The following SKIDA1 variants were observed in gnomAD, a reference collection of about 807,000 sequenced individuals.
SKIDA1 encodes SKI/DACH domain-containing protein 1.
A neutral mutation model predicts 51.4 loss-of-function variants in SKIDA1; 18 were observed. The ratio of observed to expected loss-of-function variants is 0.35; its 90% CI spans 0.24 to 0.52. SKIDA1 has a LOEUF of 0.52. Among genes scored for constraint, SKIDA1 ranks in the 20% least tolerant of loss-of-function variants. The pLI is 0.95. For synonymous variants in SKIDA1, 579 were observed against 500.5 expected (o/e 1.16, Z -2.09); for missense variants, 1,104 against 1,180.6 (o/e 0.94, Z 0.95).
At position 21,518,850 on chromosome 10, in the gene SKIDA1, CT is replaced by C. The variant is rs11384540; in HGVS notation, c.-1029del. 0.048 allele frequency: 6,799 copies of C among 141,416 alleles called. 286 individuals carry two copies. The highest frequency in any genetic ancestry group is 0.13 in the African/African-American group (4,712 of 35,368). 8.8% of individuals were successfully genotyped at this position (141,416 alleles called of 1,614,324 possible). ...ACGTTTGGAATTTCTCTCGATTTTCCTTTTTTTTTTTTTTTTTTCCTGAAAT... is the reference window on the plus strand; with the variant it reads ...ACGTTTGGAATTTCTCTCGATTTTCCTTTTTTTTTTTTTTTTTCCTGAAAT... On this transcript the variant is annotated 5_prime_UTR_variant, in exon 4 of 4. Coordinates refer to ENST00000449193, the MANE Select transcript of SKIDA1 (RefSeq NM_207371.4).
In SKIDA1 at chr10:21,515,868, T is replaced by C. The variant is rs2032184398; in HGVS notation, c.1955A>G (p.Gln652Arg). 1 of 1,614,086 alleles carries C rather than the reference T, an allele frequency of 6.2e-7. No homozygotes were observed. Among genetic ancestry groups the C allele is most frequent in the Non-Finnish European group, 8.5e-7 (1 of 1,179,904 alleles). ...PEFATDLPSS[Q>R]TDPEVNAAGA... ...TGCAGCGTTCACTTCAGGATCAGTC[T>C]GCGAAGAGGGCAAATCCGTAGCAAA... is the stretch of plus-strand genomic sequence containing the variant. Residue 652 changes from glutamine to arginine, a missense_variant, in exon 4 of 4, where the codon CAG becomes CGG. By Grantham distance (43) the Gln-to-Arg change is conservative. This residue lies in a region of SKIDA1 where 938 missense variants were observed against 886.4 expected (regional missense o/e 1.06). Coordinates refer to ENST00000449193, the MANE Select transcript of SKIDA1 (RefSeq NM_207371.4).
chr10:21,523,674 G>A lies in SKIDA1; in HGVS notation c.-1929+9C>T, dbSNP rs1032082887. 7 of 152,154 alleles carry A rather than the reference G, an allele frequency of 4.6e-5. No homozygotes were observed. 9.4% of individuals were successfully genotyped at this position (152,154 alleles called of 1,614,324 possible). ...GACTGAAGTGGTGACACCAAGTGTT[G>A]AGGCCTACCTATGGGCTGCTCAGCC... is the stretch of plus-strand genomic sequence containing the variant. On this transcript the variant is annotated intron_variant, in intron 2 of 3. Coordinates refer to ENST00000449193, the MANE Select transcript of SKIDA1 (RefSeq NM_207371.4).
At chr10:21,523,569 A>G (rs1300279535) in intron 2 of SKIDA1, 114 bp downstream of exon 2, 2 of 152,218 alleles carry the variant, frequency 1.3e-5, no homozygotes, top group Non-Finnish European at 2.9e-5. Context: ...GATATTAAAT[A>G]ATACACAAAT....
At position 21,516,822 on chromosome 10, in the gene SKIDA1, G is replaced by A. The variant is rs1588682739; in HGVS notation, c.1001C>T (p.Pro334Leu). Residue 334 changes from proline (P) to leucine (L), a missense_variant, in exon 4 of 4, where the codon CCG (proline) becomes CTG (leucine). By Grantham distance (98) the Pro-to-Leu change is moderately conservative. Around this residue, in one of 3 missense-constraint regions of SKIDA1, gnomAD observed 938 missense variants for 886.4 expected, o/e 1.06. Transcript: ENST00000449193. The surrounding 1 kb of genome is among the most constrained non-coding windows in gnomAD (Gnocchi z 5.7). ...GTGGTGGTGGTGGTGGTGCGGAGGC[G>A]GGCAGAAGCCGTTGACCAGATGAAA... ...ERFHLVNGFC[P>L]PPHHHHHHHH... is the part of the protein sequence containing the mutation. 3 of 1,542,272 alleles carry A rather than the reference G, an allele frequency of 1.9e-6. No homozygotes were observed. The highest frequency in any genetic ancestry group is 1.2e-5 in the South Asian group (1 of 83,802).
chr10:21,516,974 G>A lies in SKIDA1; in HGVS notation c.849C>T (p.Leu283=). The A allele has an allele frequency of 2.6e-6, 3 of 1,158,804 alleles. No individual in the cohort carries two copies. The highest frequency in any genetic ancestry group is 3.2e-6 in the Non-Finnish European group (3 of 936,486). The allele number at this position is 1,158,804 out of a possible 1,614,324, so 71.8% of individuals were successfully genotyped here. Residue 283 remains leucine (L), a synonymous_variant, in exon 4 of 4, where the codon CTC becomes CTT. Coordinates refer to ENST00000449193, the MANE Select transcript of SKIDA1 (RefSeq NM_207371.4). The surrounding 1 kb of genome is among the most constrained non-coding windows in gnomAD (Gnocchi z 5.7). ...GGCGCCGCGCGCCGGCGTGAGGCGCGAGCAGGCAGTCCTTGGCGCCGCCGC... is the reference window on the plus strand; with the variant it reads ...GGCGCCGCGCGCCGGCGTGAGGCGCAAGCAGGCAGTCCTTGGCGCCGCCGC... The part of the protein sequence containing the change: ...RKRGGAKDCL[L]APHAGARRLL...
chr10:21,513,821 T>G lies in SKIDA1; in HGVS notation c.*1275A>C, dbSNP rs2032105287. ...CCCTGAAAAAACTGTTATTTTTCAT[T>G]TGGGGTATTGCAACTCTGACCCCTC... On this transcript the variant is annotated 3_prime_UTR_variant, in exon 4 of 4. Coordinates refer to ENST00000449193, the MANE Select transcript of SKIDA1 (RefSeq NM_207371.4). 1 of 152,194 alleles carries G rather than the reference T, an allele frequency of 6.6e-6. No individual in the cohort carries two copies. Among genetic ancestry groups the G allele is most frequent in the Admixed American group, 6.5e-5 (1 of 15,282 alleles). 9.4% of individuals were successfully genotyped at this position (152,194 alleles called of 1,614,324 possible).
At chr10:21,522,470 G>A in intron 2 of SKIDA1, among the ~76,000 whole-genome samples, 1 of 152,048 alleles carries the variant, frequency 6.6e-6, no homozygotes, top group East Asian at 1.9e-4. Flanking sequence ...ATATTCACAA[G>A]ATAAAAGTTT....
chr10:21,518,432 A>G lies in SKIDA1; in HGVS notation c.-610T>C, dbSNP rs1238009956. ...CCCTTATACTGCCACCTCCCCTCCC[A>G]AAGTAAATAATACAGTCGGTATATA... On this transcript the variant is annotated 5_prime_UTR_variant, in exon 4 of 4. Coordinates refer to ENST00000449193, the MANE Select transcript of SKIDA1 (RefSeq NM_207371.4). 1 of 166,878 alleles carries G rather than the reference A, an allele frequency of 6.0e-6. No individual in the cohort carries two copies. Among genetic ancestry groups the G allele is most frequent in the Non-Finnish European group, 1.5e-5 (1 of 68,102 alleles). 10.3% of individuals were successfully genotyped at this position (166,878 alleles called of 1,614,324 possible). A position where few individuals can be genotyped will look rare whatever the true frequency, so the allele number is the denominator to read the frequency against.
rs1283551919 is a variant in SKIDA1, at chr10:21,516,218, C to T, written c.1605G>A (p.Pro535=). The part of the protein sequence containing the change: ...WAPKASPVYC[P]ASLGSCFAEI... ...CAGCGAAACAACTCCCCAGGCTGGCCGGGCAGTACACCGGAGATGCTTTGG... is the reference window on the plus strand; with the variant it reads ...CAGCGAAACAACTCCCCAGGCTGGCTGGGCAGTACACCGGAGATGCTTTGG... Residue 535 remains proline, a synonymous_variant, in exon 4 of 4, where the codon CCG becomes CCA. Transcript: ENST00000449193. This position sits in a 1 kb window ranked among gnomAD's most constrained non-coding sequence, Gnocchi z 5.7. 6.2e-7 allele frequency: 1 copy of T among 1,614,032 alleles called. No individual in the cohort carries two copies. The highest frequency in any genetic ancestry group is 8.5e-7 in the Non-Finnish European group (1 of 1,179,902).
At chr10:21,523,141 C>T (rs1007132712) in intron 2 of SKIDA1, among the ~76,000 whole-genome samples, 3 of 151,746 alleles carry the variant, frequency 2.0e-5, no homozygotes, top group Non-Finnish European at 4.4e-5. Context: ...AACGGCTAGG[C>T]CACAATCTTC....
chr10:21,516,761 C>T lies in SKIDA1; in HGVS notation c.1062G>A (p.Gln354=). ...HHHHHHHHRA[Q]PPQQSHHPPH... Reference sequence around the variant, plus strand: ...GGGGGTGGTGACTCTGCTGCGGCGGCTGGGCCCGGTGGTGGTGGTGGTGGT... The same window carrying T: ...GGGGGTGGTGACTCTGCTGCGGCGGTTGGGCCCGGTGGTGGTGGTGGTGGT... The change falls in exon 4 of 4, where the codon CAG becomes CAA. Residue 354 remains glutamine (Q), a synonymous_variant. Transcript: ENST00000449193. This position sits in a 1 kb window ranked among gnomAD's most constrained non-coding sequence, Gnocchi z 5.7. 2 of 1,545,816 alleles carry T rather than the reference C, an allele frequency of 1.3e-6. No homozygotes were observed. The highest frequency in any genetic ancestry group is 1.7e-6 in the Non-Finnish European group (2 of 1,145,610).
Position 21,516,271 on chromosome 10 carries a change from C to G in SKIDA1, c.1552G>C (p.Ala518Pro). The G allele has an allele frequency of 6.2e-7, 1 of 1,613,960 alleles. No individual in the cohort carries two copies. The highest frequency in any genetic ancestry group is 8.5e-7 in the Non-Finnish European group (1 of 1,179,900). ...LKSSVKAESP[A>P]EWNLQSWAPK... The stretch of plus-strand genomic sequence containing the variant: ...GCCCAGCTCTGCAGATTCCACTCCG[C>G]CGGCGACTCCGCTTTGACACTACTC... Residue 518 changes from alanine (A) to proline (P), a missense_variant, in exon 4 of 4, where the codon GCG becomes CCG. By Grantham distance (27) the Ala-to-Pro change is conservative. Around this residue, in one of 3 missense-constraint regions of SKIDA1, gnomAD observed 938 missense variants for 886.4 expected, o/e 1.06. Coordinates refer to ENST00000449193, the MANE Select transcript of SKIDA1 (RefSeq NM_207371.4). This position sits in a 1 kb window ranked among gnomAD's most constrained non-coding sequence, Gnocchi z 5.7.
chr10:21,520,483 CGCCAT>C, intron 3 of SKIDA1, among the ~76,000 whole-genome samples: 1 of 57,384 alleles, frequency 1.7e-5, no homozygotes. Flanking sequence ...CCCCCACCCC[CGCCAT>C]TCCCCTCCCC....
Position 21,517,127 on chromosome 10 carries a change from G to A in SKIDA1, c.696C>T (p.Ala232=), listed in dbSNP as rs763904059. 5,398 of 992,906 alleles carry A rather than the reference G, an allele frequency of 5.4e-3. 160 individuals are homozygous for A. The African/African-American group carries it at 0.081, about 15-fold the overall frequency. The allele number at this position is 992,906 out of a possible 1,614,324, so 61.5% of individuals were successfully genotyped here. A position where few individuals can be genotyped will look rare whatever the true frequency, so the allele number is the denominator to read the frequency against. ...CGGCGGCGGCGGCGGCGGCAGCAGC[G>A]GCGGCGGCGGCGGCGGCGGCGGCTG... ...HPAAAAAAAA[A]AAAAAAAAAA... The change falls in exon 4 of 4, where the codon GCC becomes GCT. Residue 232 remains alanine (A), a synonymous_variant. Coordinates refer to ENST00000449193, the MANE Select transcript of SKIDA1 (RefSeq NM_207371.4). The surrounding 1 kb of genome is among the most constrained non-coding windows in gnomAD (Gnocchi z 6.9).
Position 21,517,920 on chromosome 10 carries a change from G to T in SKIDA1, c.-98C>A. ...TAATCCTCAGCCAGATGCTGCGTGT[G>T]TCTCAAGGCATCCTGCTAATAAAAT... On this transcript the variant is annotated 5_prime_UTR_variant, in exon 4 of 4. Coordinates refer to ENST00000449193, the MANE Select transcript of SKIDA1 (RefSeq NM_207371.4). This position sits in a 1 kb window ranked among gnomAD's most constrained non-coding sequence, Gnocchi z 6.9. The T allele has an allele frequency of 9.2e-7, 1 of 1,087,142 alleles. No individual in the cohort carries two copies. Among genetic ancestry groups the T allele is most frequent in the Non-Finnish European group, 1.3e-6 (1 of 790,726 alleles). The allele number at this position is 1,087,142 out of a possible 1,614,324, so 67.3% of individuals were successfully genotyped here. A position where few individuals can be genotyped will look rare whatever the true frequency, so the allele number is the denominator to read the frequency against.
Position 21,517,254 on chromosome 10 carries a change from T to G in SKIDA1, c.569A>C (p.Lys190Thr). ...HYPEIVRSPC[K>T]PPLNYETAPL... ...GGCAGTTTCATAGTTTAGAGGGGGT[T>G]TGCACGGCGAGCGCACGATCTCCGG... Residue 190 changes from lysine to threonine, a missense_variant, in exon 4 of 4, where the codon AAA (lysine) becomes ACA (threonine). This residue lies in a region of SKIDA1 where 938 missense variants were observed against 886.4 expected (regional missense o/e 1.06). Coordinates refer to ENST00000449193, the MANE Select transcript of SKIDA1 (RefSeq NM_207371.4). This position sits in a 1 kb window ranked among gnomAD's most constrained non-coding sequence, Gnocchi z 6.9. The G allele has an allele frequency of 1.4e-6, 2 of 1,474,224 alleles. No homozygotes were observed. The highest frequency in any genetic ancestry group is 2.5e-5 in the Admixed American group (1 of 40,718). 91.3% of individuals were successfully genotyped at this position (1,474,224 alleles called of 1,614,324 possible).
chr10:21,524,033 T>G (rs1014227009), intron 1 of SKIDA1, 162 bp from the exon 2 acceptor site: 26 of 152,298 alleles, frequency 1.7e-4, no homozygotes, highest in African/African-American at 6.3e-4. Context: ...CACTCAACAC[T>G]GACAGTATCA....
chr10:21,517,994 A>C lies in SKIDA1; in HGVS notation c.-172T>G. On this transcript the variant is annotated 5_prime_UTR_variant, in exon 4 of 4. Transcript: ENST00000449193. The surrounding 1 kb of genome is among the most constrained non-coding windows in gnomAD (Gnocchi z 6.9). ...AAGGAAGTGCCAAACTCTAGGCGAA[A>C]TTATTGGGGGGGGGGAAACCCCATG... The C allele has an allele frequency of 1.9e-6, 1 of 537,758 alleles. No homozygotes were observed. The highest frequency in any genetic ancestry group is 3.2e-6 in the Non-Finnish European group (1 of 315,920). The allele number at this position is 537,758 out of a possible 1,614,324, so 33.3% of individuals were successfully genotyped here.
chr10:21,519,385 G>A lies in SKIDA1; in HGVS notation c.-1563C>T, dbSNP rs879798344. On this transcript the variant is annotated 5_prime_UTR_variant, in exon 4 of 4. Transcript: ENST00000449193. ...AATCACTTTGGATGAAAATCAATGT[G>A]GTTTAACCTCTTCTTAGTCAAATTA... 1.8e-5 allele frequency: 3 copies of A among 167,050 alleles called. No individual in the cohort carries two copies. The highest frequency in any genetic ancestry group is 1.5e-5 in the Non-Finnish European group (1 of 68,094). The allele number at this position is 167,050 out of a possible 1,614,324, so 10.3% of individuals were successfully genotyped here.
Sources: gnomAD v4.1 joint callset for allele counts (sites outside exome capture counted in the v4.1 genomes callset) on GRCh38, gnomAD v4.1.1 for gene constraint, gnomAD v4.1.1 regional missense constraint, Gnocchi (gnomAD v3.1) non-coding constraint, MANE v1.5 for transcripts, NCBI Gene and HGNC (gene_info 2026-07-23, HGNC 2026-07-21) for gene names.